Variants in BTBD10 observed in about 807,000 individuals in gnomAD.
BTBD10 encodes BTB domain containing 10.
BTBD10 carries 21 observed loss-of-function variants against 53.2 expected under a neutral mutation model. The observed-to-expected ratio is 0.39, with a 90% CI of 0.28 to 0.57. The LOEUF is 0.57. BTBD10 is among the 20% of genes least tolerant of loss of function. The probability of loss-of-function intolerance (pLI) is 0.53; values close to 1 mark genes in which losing one functional copy is unlikely to be tolerated. For synonymous variants in BTBD10, 149 were observed against 192.7 expected, an observed-to-expected ratio of 0.77 and a Z score of 1.88; for missense variants, 360 against 594.7, an observed-to-expected ratio of 0.61 and a Z score of 4.10.
At chr11:13,432,335 T>C (rs1425081562) in intron 2 of BTBD10, among the ~76,000 whole-genome samples, 1 of 151,778 alleles carries the variant, frequency 6.6e-6, no homozygotes, top group Non-Finnish European at 1.5e-5. Context: ...CAGAACCATG[T>C]AATAAAAAAA....
At chr11:13,392,871 C>T (rs1949444432) in intron 8 of BTBD10, among the ~76,000 whole-genome samples, 1 of 152,172 alleles carries the variant, frequency 6.6e-6, no homozygotes, top group Admixed American at 6.5e-5. Flanking sequence ...CAGCCAATTA[C>T]TCTGACAGAA....
At chr11:13,457,982 A>G (rs1477371393) in intron 1 of BTBD10, among the ~76,000 whole-genome samples, 1 of 151,946 alleles carries the variant, frequency 6.6e-6, no homozygotes, top group Non-Finnish European at 1.5e-5. Context: ...TTTTCAAACT[A>G]CTCATCATAA....
rs1949338179 is a variant in BTBD10 at position 13,389,157 on chromosome 11, AT to A, written c.1118-17del. 1 of 1,527,700 alleles carries A rather than the reference AT, an allele frequency of 6.5e-7. No individual in the cohort carries two copies. The highest frequency in any genetic ancestry group is 1.8e-5 in the Admixed American group (1 of 56,138). 94.6% of individuals were successfully genotyped at this position (1,527,700 alleles called of 1,614,324 possible). A position where few individuals can be genotyped will look rare whatever the true frequency, so the allele number is the denominator to read the frequency against. ...GTAGGATAACCTGAAAGAAAGAAAG[AT>A]TTTAAAAACTGAGGAGACACACACA... On this transcript the variant is annotated splice_polypyrimidine_tract_variant and intron_variant, in intron 8 of 8. Transcript: ENST00000278174.
chr11:13,391,803 G>A (rs1949413408), intron 8 of BTBD10, among the ~76,000 whole-genome samples: 1 of 152,244 alleles, frequency 6.6e-6, no homozygotes, highest in African/African-American at 2.4e-5. Flanking sequence ...AATTAGCTGG[G>A]TGTGGTGGCG....
At chr11:13,406,926 C>T (rs1949845815) in intron 6 of BTBD10, among the ~76,000 whole-genome samples, 2 of 152,044 alleles carry the variant, frequency 1.3e-5, no homozygotes. Flanking sequence ...ACCTATATTT[C>T]AACACCTTCT....
intron 1 of BTBD10, among the ~76,000 whole-genome samples, chr11:13,453,149 T>G (rs535268179): frequency 9.2e-5 from 14 of 152,190 alleles, no homozygotes; most frequent in African/African-American, 3.4e-4. Context: ...CAATATATCA[T>G]GCAACCAGTA....
At position 13,419,532 on chromosome 11, in the gene BTBD10, A is replaced by G. The variant is rs1264600354; in HGVS notation, c.512T>C (p.Leu171Pro). 6.2e-7 allele frequency: 1 copy of G among 1,614,056 alleles called. No individual in the cohort carries two copies. Among genetic ancestry groups the G allele is most frequent in the Non-Finnish European group, 8.5e-7 (1 of 1,180,010 alleles). Residue 171 changes from leucine (L) to proline (P), a missense_variant, in exon 4 of 9, where the codon CTA becomes CCA. Transcript: ENST00000278174. ...AACAAATCTAGTGTTATCCACTATTAGTGTCACTCGTTCTGACGTTCTTAT... is the reference window on the plus strand; with the variant it reads ...AACAAATCTAGTGTTATCCACTATTGGTGTCACTCGTTCTGACGTTCTTAT... Reference protein sequence around the residue: ...RNIRTSERVTLIVDNTRFVVD... With the variant: ...RNIRTSERVTPIVDNTRFVVD...
chr11:13,420,097 T>C (rs1950213007), intron 3 of BTBD10, among the ~76,000 whole-genome samples: 1 of 152,102 alleles, frequency 6.6e-6, no homozygotes, highest in African/African-American at 2.4e-5. Context: ...GTAAAATAAA[T>C]ATGCTTTGAA....
At chr11:13,414,843 C>T (rs1404564673) in intron 5 of BTBD10, among the ~76,000 whole-genome samples, 1 of 20,722 alleles carries the variant, frequency 4.8e-5, no homozygotes, top group African/African-American at 1.3e-4. Flanking sequence ...CCATCTCAAA[C>T]GAAAAAAAAA....
intron 8 of BTBD10, among the ~76,000 whole-genome samples, chr11:13,398,217 T>C (rs1483593485): frequency 6.6e-6 from 1 of 152,210 alleles, no homozygotes; most frequent in Non-Finnish European, 1.5e-5. Context: ...TTTATGAATC[T>C]GGGTGCTCCT....
rs1219903696 is a variant in BTBD10 at position 13,405,883 on chromosome 11, T to A, written c.809-27A>T. The stretch of plus-strand genomic sequence containing the variant: ...TGAAATGAAATCCACAAAAATATCT[T>A]ACCAAAACTTTTCCTAAAAAGAGTT... On this transcript the variant is annotated intron_variant, in intron 6 of 8. Transcript: ENST00000278174. 1.9e-6 allele frequency: 3 copies of A among 1,602,842 alleles called. No individual in the cohort carries two copies. In the African/African-American group the frequency reaches 4.0e-5, roughly 22 times the overall value.
chr11:13,453,688 G>C (rs1950909813), intron 1 of BTBD10, among the ~76,000 whole-genome samples: 1 of 152,198 alleles, frequency 6.6e-6, no homozygotes, highest in South Asian at 2.1e-4. Flanking sequence ...CAAGAACAAA[G>C]TATGATTCAG....
intron 8 of BTBD10, among the ~76,000 whole-genome samples, chr11:13,399,267 A>G (rs1737740411): frequency 1.3e-5 from 2 of 151,722 alleles, no homozygotes; most frequent in African/African-American, 2.4e-5. Flanking sequence ...TTTTTCTCTA[A>G]ACTTCTCTTC....
At chr11:13,430,337 TTA>T (rs1444638739) in intron 2 of BTBD10, among the ~76,000 whole-genome samples, 1 of 152,168 alleles carries the variant, frequency 6.6e-6, no homozygotes, top group Non-Finnish European at 1.5e-5. Context: ...TCATTACACA[TTA>T]GAGTGGCTAA....
In BTBD10 at chr11:13,445,099, T is replaced by C; in HGVS notation, c.26A>G (p.Asp9Gly). The C allele has an allele frequency of 5.6e-6, 9 of 1,613,328 alleles. No individual in the cohort carries two copies. The highest frequency in any genetic ancestry group is 6.8e-6 in the Non-Finnish European group (8 of 1,179,444). ...ATTCTCTGGATCACTGGAGTTACCA[T>C]CATAGGGATGAGGCCGTCCTGCCAT... MAGRPHPYDGNSSDPENWD... is the reference protein window; with the variant it reads MAGRPHPYGGNSSDPENWD... The change falls in exon 2 of 9, where the codon GAT (aspartate) becomes GGT (glycine). Residue 9 changes from aspartate (D) to glycine (G), a missense_variant. Physicochemically the swap from Asp to Gly is moderately conservative, Grantham distance 94 (BLOSUM62 -1). This residue lies in a region of BTBD10 where 81 missense variants were observed against 82.6 expected (regional missense o/e 0.98). Coordinates refer to ENST00000278174, the MANE Select transcript of BTBD10 (RefSeq NM_032320.7).
intron 1 of BTBD10, among the ~76,000 whole-genome samples, chr11:13,461,813 G>A (rs1365154277): frequency 6.6e-6 from 1 of 152,070 alleles, no homozygotes; most frequent in Non-Finnish European, 1.5e-5. Flanking sequence ...CCATGCTTCA[G>A]AAACTTCCTT....
rs149763035 is a variant in BTBD10, at chr11:13,404,222, G to GA, written c.1007-945dup. On this transcript the variant is annotated intron_variant, in intron 7 of 8. Coordinates refer to ENST00000278174, the MANE Select transcript of BTBD10 (RefSeq NM_032320.7). Reference sequence around the variant, plus strand: ...AATATCTGTCATAAAGTCACATATAGAAAAATCAGGCCGAAAGGCTATCTC... The same window carrying GA: ...AATATCTGTCATAAAGTCACATATAGAAAAAATCAGGCCGAAAGGCTATCTC... Among the ~76,000 whole-genome samples the GA allele has an allele frequency of 2.2e-3, 332 of 152,230 alleles. 1 individual carries two copies. Among genetic ancestry groups the GA allele is most frequent in the African/African-American group, 7.6e-3 (316 of 41,550 alleles).
chr11:13,396,215 T>TC (rs1949548068), intron 8 of BTBD10, among the ~76,000 whole-genome samples: 1 of 152,222 alleles, frequency 6.6e-6, no homozygotes, highest in African/African-American at 2.4e-5. Flanking sequence ...TTTATTTCAC[T>TC]GAGCAGTGGT....
intron 1 of BTBD10, among the ~76,000 whole-genome samples, chr11:13,448,621 C>T (rs922167791): frequency 6.6e-5 from 10 of 152,168 alleles, no homozygotes; most frequent in African/African-American, 2.4e-4. Flanking sequence ...CTCCTTCTCT[C>T]CCTTTCATTC....
Sources: gnomAD v4.1 joint callset for allele counts (sites outside exome capture counted in the v4.1 genomes callset) on GRCh38, gnomAD v4.1.1 for gene constraint, gnomAD v4.1.1 regional missense constraint, MANE v1.5 for transcripts, NCBI Gene and HGNC (gene_info 2026-07-23, HGNC 2026-07-21) for gene names.